The following GRM7 variants were observed in gnomAD, a reference collection of about 807,000 sequenced individuals.
GRM7 encodes the protein metabotropic glutamate receptor 7.
Under a neutral mutation model 84.5 loss-of-function variants are expected in GRM7, and 35 were observed. The observed-to-expected ratio is 0.41, with a 90% CI of 0.32 to 0.55. The LOEUF is 0.55. Ranked by LOEUF, GRM7 falls within the 20% of genes least tolerant of loss-of-function variation. The pLI is 0.19. For missense variants in GRM7, 1,003 were observed against 1,194.6 expected (o/e 0.84, Z 2.36); for synonymous variants, 487 against 455.1 (o/e 1.07, Z -0.89).
At position 7,356,920 on chromosome 3, in the gene GRM7, T is replaced by TCACACACACACACA. The variant is rs34481316; in HGVS notation, c.1033+50299_1033+50312dup. Among the ~76,000 whole-genome samples the TCACACACACACACA allele has an allele frequency of 3.4e-3, 451 of 131,254 alleles. 3 individuals carry two copies. Among genetic ancestry groups the TCACACACACACACA allele is most frequent in the East Asian group, 5.7e-3 (25 of 4,380 alleles). 86.1% of individuals were successfully genotyped at this position (131,254 alleles called of 152,430 possible). ...CTATCATGGAACTTTGCCTTTTTGA[T>TCACACACACACACA]CACACACACACACACACACACACAC... On this transcript the variant is annotated intron_variant, in intron 4 of 9. Coordinates refer to ENST00000357716, the MANE Select transcript of GRM7 (RefSeq NM_000844.4).
At chr3:7,673,200 G>A (rs1004768505) in intron 8 of GRM7, among the ~76,000 whole-genome samples, 7 of 152,088 alleles carry the variant, frequency 4.6e-5, no homozygotes, top group African/African-American at 1.7e-4. Flanking sequence ...CCAGTAATGA[G>A]GAAACAGAAG....
intron 1 of GRM7, among the ~76,000 whole-genome samples, chr3:7,116,271 A>C (rs924118496): frequency 6.6e-6 from 1 of 152,194 alleles, no homozygotes; most frequent in Admixed American, 6.6e-5. Context: ...TGGTTTTACC[A>C]TAAGTTGAAA....
At chr3:6,888,061 C>A (rs963249483) in intron 1 of GRM7, among the ~76,000 whole-genome samples, 1 of 152,108 alleles carries the variant, frequency 6.6e-6, no homozygotes, top group Non-Finnish European at 1.5e-5. Context: ...GTCCCTTGCC[C>A]ACTTTTGGAT....
intron 1 of GRM7, among the ~76,000 whole-genome samples, chr3:7,117,270 C>T (rs1693067597): frequency 6.6e-6 from 1 of 152,120 alleles, no homozygotes; most frequent in Admixed American, 6.6e-5. Context: ...GAAAAAAAGT[C>T]CAATTCAAGA....
intron 2 of GRM7, among the ~76,000 whole-genome samples, chr3:7,281,801 C>T (rs1431055362): frequency 6.6e-6 from 1 of 152,178 alleles, no homozygotes; most frequent in Non-Finnish European, 1.5e-5. Context: ...TTAAAAATGG[C>T]GGGGCGCAGT....
chr3:7,168,962 T>C (rs1360132984), intron 2 of GRM7, among the ~76,000 whole-genome samples: 1 of 152,226 alleles, frequency 6.6e-6, no homozygotes, highest in African/African-American at 2.4e-5. Context: ...CATTCTTATA[T>C]GTGCATAAAT....
chr3:7,118,649 G>T (rs1177312663), intron 1 of GRM7, among the ~76,000 whole-genome samples: 1 of 151,700 alleles, frequency 6.6e-6, no homozygotes, highest in African/African-American at 2.4e-5. Context: ...ATTAAAAACT[G>T]ATCTGATTCC....
At chr3:7,379,368 C>A (rs1038439240) in intron 4 of GRM7, among the ~76,000 whole-genome samples, 3 of 152,170 alleles carry the variant, frequency 2.0e-5, no homozygotes, top group Non-Finnish European at 4.4e-5. Flanking sequence ...GCTAGGATTA[C>A]AGGTGCGAGC....
intron 1 of GRM7, among the ~76,000 whole-genome samples, chr3:7,071,587 A>C (rs1697885920): frequency 6.6e-6 from 1 of 151,958 alleles, no homozygotes; most frequent in African/African-American, 2.4e-5. Flanking sequence ...TGTCCCCCAA[A>C]CTGAGGATAG....
At chr3:7,438,002 T>C (rs1697130018) in intron 5 of GRM7, among the ~76,000 whole-genome samples, 2 of 151,936 alleles carry the variant, frequency 1.3e-5, no homozygotes, top group African/African-American at 4.8e-5. Context: ...TTAAATATAA[T>C]GAGAAGGAAT....
At chr3:7,501,077 T>C (rs3792472) in intron 7 of GRM7, among the ~76,000 whole-genome samples, 73,664 of 152,030 alleles carry the variant, frequency 0.48, 18,250 homozygotes, top group East Asian at 0.72. Context: ...TAACAGCTGA[T>C]CTTTATTGAC....
intron 4 of GRM7, among the ~76,000 whole-genome samples, chr3:7,338,434 T>C (rs1018652882): frequency 6.6e-6 from 1 of 151,870 alleles, no homozygotes; most frequent in Non-Finnish European, 1.5e-5. Flanking sequence ...ATCTCAGAAA[T>C]TACCACTAAA....
Position 7,618,294 on chromosome 3 carries a change from A to G in GRM7, c.2451+38937A>G, listed in dbSNP as rs140076989. Reference sequence around the variant, plus strand: ...AATGTTAGGTAGGGTTAGTGTGATCATTAAATTAGTTAATATTTAGTAAGT... The same window carrying G: ...AATGTTAGGTAGGGTTAGTGTGATCGTTAAATTAGTTAATATTTAGTAAGT... On this transcript the variant is annotated intron_variant, in intron 8 of 9. Coordinates refer to ENST00000357716, the MANE Select transcript of GRM7 (RefSeq NM_000844.4). Among the ~76,000 whole-genome samples, 629 of 152,250 alleles carry G rather than the reference A, an allele frequency of 4.1e-3. 2 individuals are homozygous for G. Among genetic ancestry groups the G allele is most frequent in the Non-Finnish European group, 7.4e-3 (501 of 68,010 alleles).
intron 7 of GRM7, among the ~76,000 whole-genome samples, chr3:7,573,147 C>T (rs190050748): frequency 1.7e-3 from 255 of 151,814 alleles, no homozygotes; most frequent in Middle Eastern, 6.8e-3. Flanking sequence ...CAAAACCTGG[C>T]GCTTTCCTAG....
intron 1 of GRM7, among the ~76,000 whole-genome samples, chr3:6,908,817 A>G (rs2125014330): frequency 6.6e-6 from 1 of 152,250 alleles, no homozygotes. Context: ...AACTAGCAAG[A>G]ACTAGATTTT....
chr3:7,255,101 T>C (rs1698147269), intron 2 of GRM7, among the ~76,000 whole-genome samples: 1 of 152,210 alleles, frequency 6.6e-6, no homozygotes, highest in Non-Finnish European at 1.5e-5. Context: ...TTGTTCTTTA[T>C]ACAGGATCTA....
At chr3:7,271,523 C>T (rs1259573583) in intron 2 of GRM7, among the ~76,000 whole-genome samples, 4 of 141,560 alleles carry the variant, frequency 2.8e-5, no homozygotes, top group African/African-American at 1.1e-4. Flanking sequence ...CGCGTCATTG[C>T]ACTCCAGCCT....
intron 7 of GRM7, among the ~76,000 whole-genome samples, chr3:7,576,049 A>G (rs1694946602): frequency 1.3e-5 from 2 of 152,208 alleles, no homozygotes; most frequent in Admixed American, 1.3e-4. Context: ...TAATGTTGAA[A>G]TCAAGCGAAT....
intron 2 of GRM7, among the ~76,000 whole-genome samples, chr3:7,225,026 TATA>T (rs1452212616): frequency 6.6e-6 from 1 of 152,230 alleles, no homozygotes; most frequent in Non-Finnish European, 1.5e-5. Context: ...AGCTATTTAA[TATA>T]ATATTTAGTC....
Sources: gnomAD v4.1 joint callset for allele counts (sites outside exome capture counted in the v4.1 genomes callset) on GRCh38, gnomAD v4.1.1 for gene constraint, MANE v1.5 for transcripts, NCBI Gene and HGNC (gene_info 2026-07-23, HGNC 2026-07-21) for gene names.